Variants in KDM4A observed in about 807,000 individuals in gnomAD.
The protein encoded by KDM4A is lysine demethylase 4A.
Under a neutral mutation model 127.1 loss-of-function variants are expected in KDM4A, and 23 were observed. The ratio of observed to expected loss-of-function variants is 0.18; its 90% CI spans 0.13 to 0.26. The LOEUF is 0.26. KDM4A is among the 10% of genes least tolerant of loss of function. The pLI, the probability that KDM4A is intolerant of heterozygous loss-of-function variation, is 1.00. For synonymous variants in KDM4A, 443 were observed against 466.5 expected, an observed-to-expected ratio of 0.95 and a Z score of 0.65; for missense variants, 890 against 1,329.1, an observed-to-expected ratio of 0.67 and a Z score of 5.14.
In KDM4A at chr1:43,689,896, T is replaced by C. The variant is rs1326988191; in HGVS notation, c.2037+801T>C. ...ATTAGGAACTCACTAAACCTTTCCA[T>C]TGACAAAAAGCAAAACCAAAGCCTT... On this transcript the variant is annotated intron_variant, in intron 13 of 21. Coordinates refer to ENST00000372396, the MANE Select transcript of KDM4A (RefSeq NM_014663.3). 2.6e-5 allele frequency among the ~76,000 whole-genome samples: 4 copies of C among 152,316 alleles called. No individual in the cohort carries two copies. In the East Asian group the frequency reaches 7.7e-4, roughly 29 times the overall value.
At chr1:43,676,080 CAAAA>C (rs1288401071) in intron 11 of KDM4A, among the ~76,000 whole-genome samples, 1 of 93,228 alleles carries the variant, frequency 1.1e-5, no homozygotes. Flanking sequence ...AACTTTACCT[CAAAA>C]AGATAAAAAA....
intron 18 of KDM4A, among the ~76,000 whole-genome samples, chr1:43,697,510 T>C (rs530098234): frequency 6.6e-6 from 1 of 152,326 alleles, no homozygotes; most frequent in South Asian, 2.1e-4. Context: ...TTCGATACTT[T>C]GATGTCAGTT....
intron 11 of KDM4A, 133 bp downstream of exon 11, chr1:43,672,008 T>G (rs1282771296): frequency 2.0e-6 from 2 of 1,008,660 alleles, no homozygotes; most frequent in Admixed American, 3.4e-5. Flanking sequence ...AGACCCTCAG[T>G]CAGTGCCTCT....
chr1:43,696,765 G>C (rs192446530), intron 18 of KDM4A, among the ~76,000 whole-genome samples: 2 of 152,322 alleles, frequency 1.3e-5, no homozygotes, highest in African/African-American at 4.8e-5. Flanking sequence ...TGCTTAAGCT[G>C]GCAGCTGTAG....
Position 43,698,239 on chromosome 1 carries a change from C to T in KDM4A, c.2841+226C>T, listed in dbSNP as rs192415311. 2.1e-3 allele frequency among the ~76,000 whole-genome samples: 319 copies of T among 152,316 alleles called. 3 individuals are homozygous for T. The highest frequency in any genetic ancestry group is 8.5e-3 in the South Asian group (41 of 4,832). ...AGAAGTACCTGGGAATCAGTATTTTCTGCAATTCCTTGAAACCTGCATCTG... is the reference window on the plus strand; with the variant it reads ...AGAAGTACCTGGGAATCAGTATTTTTTGCAATTCCTTGAAACCTGCATCTG... On this transcript the variant is annotated intron_variant, in intron 19 of 21. Coordinates refer to ENST00000372396, the MANE Select transcript of KDM4A (RefSeq NM_014663.3).
At chr1:43,695,983 A>T (rs1661231139) in intron 18 of KDM4A, among the ~76,000 whole-genome samples, 1 of 152,192 alleles carries the variant, frequency 6.6e-6, no homozygotes. Flanking sequence ...GGAGAGAAGG[A>T]GGGATGAGAA....
intron 3 of KDM4A, among the ~76,000 whole-genome samples, chr1:43,659,276 G>A (rs929596523): frequency 8.5e-5 from 13 of 152,172 alleles, no homozygotes; most frequent in African/African-American, 3.1e-4. Flanking sequence ...CTGGGCAGCA[G>A]AGCAAGGATC....
chr1:43,701,281 GA>G (rs1661385680), intron 19 of KDM4A, among the ~76,000 whole-genome samples: 1 of 152,176 alleles, frequency 6.6e-6, no homozygotes, highest in South Asian at 2.1e-4. Flanking sequence ...GGAATTTTGG[GA>G]AGTTTCAAGC....
intron 18 of KDM4A, among the ~76,000 whole-genome samples, chr1:43,697,391 G>C (rs563094321): frequency 7.2e-4 from 110 of 152,352 alleles, no homozygotes; most frequent in African/African-American, 2.5e-3. Context: ...GAGACATCTG[G>C]GAAACCTAAG....
chr1:43,667,495 G>T (rs1660525523), intron 8 of KDM4A, among the ~76,000 whole-genome samples: 1 of 152,146 alleles, frequency 6.6e-6, no homozygotes, highest in Non-Finnish European at 1.5e-5. Context: ...TCACCGTCCT[G>T]GGGGCCTAAG....
At position 43,663,021 on chromosome 1, in the gene KDM4A, C is replaced by T. The variant is rs1431642674; in HGVS notation, c.557C>T (p.Ala186Val). 6.2e-7 allele frequency: 1 copy of T among 1,614,178 alleles called. No individual in the cohort carries two copies. Reference sequence around the variant, plus strand: ...TTTGGCATGTGGAAGACATCCTTTGCTTGGCACACTGAAGACATGGACCTC... The same window carrying T: ...TTTGGCATGTGGAAGACATCCTTTGTTTGGCACACTGAAGACATGGACCTC... ...LYFGMWKTSF[A>V]WHTEDMDLYS... Residue 186 changes from alanine to valine, a missense_variant, in exon 5 of 22, where the codon GCT becomes GTT. Physicochemically the swap from Ala to Val is moderately conservative, Grantham distance 64. Transcript: ENST00000372396.
At chr1:43,656,644 C>T (rs977308931) in intron 3 of KDM4A, among the ~76,000 whole-genome samples, 2 of 151,606 alleles carry the variant, frequency 1.3e-5, no homozygotes, top group Non-Finnish European at 2.9e-5. Flanking sequence ...GGCCCTTCTC[C>T]GCTGTTTTTA....
In KDM4A at chr1:43,697,911, C is replaced by A; in HGVS notation, c.2739C>A (p.Arg913=). Reference sequence around the variant, plus strand: ...TCATTAGCAAGCATAAGAACGGGCGCTTCTACCAGTGTGAAGTGGTCAGGC... The same window carrying A: ...TCATTAGCAAGCATAAGAACGGGCGATTCTACCAGTGTGAAGTGGTCAGGC... The part of the protein sequence containing the change: ...QKVISKHKNG[R]FYQCEVVRLT... Residue 913 remains arginine, a synonymous_variant, in exon 19 of 22, where the codon CGC becomes CGA. Coordinates refer to ENST00000372396, the MANE Select transcript of KDM4A (RefSeq NM_014663.3). The A allele has an allele frequency of 6.2e-7, 1 of 1,613,890 alleles. No individual in the cohort carries two copies. The highest frequency in any genetic ancestry group is 1.1e-5 in the South Asian group (1 of 91,058).
rs368225396 is a variant in KDM4A at position 43,671,404 on chromosome 1, C to T, written c.1364-101C>T. Reference sequence around the variant, plus strand: ...CAGAGCCAGGATTGGAAGCCAGGTCCCATTCCCCGCCCATGTTCCTTGTGC... The same window carrying T: ...CAGAGCCAGGATTGGAAGCCAGGTCTCATTCCCCGCCCATGTTCCTTGTGC... On this transcript the variant is annotated intron_variant, in intron 10 of 21. Coordinates refer to ENST00000372396, the MANE Select transcript of KDM4A (RefSeq NM_014663.3). 21 of 1,303,660 alleles carry T rather than the reference C, an allele frequency of 1.6e-5. No individual in the cohort carries two copies. In the African/African-American group the frequency reaches 1.6e-4, roughly 10 times the overall value. The allele number at this position is 1,303,660 out of a possible 1,614,324, so 80.8% of individuals were successfully genotyped here.
At chr1:43,664,647 G>T (rs1247853051) in intron 5 of KDM4A, among the ~76,000 whole-genome samples, 1 of 152,070 alleles carries the variant, frequency 6.6e-6, no homozygotes, top group East Asian at 1.9e-4. Context: ...AATCTTGGGG[G>T]AAAGAACCTT....
chr1:43,675,022 T>G (rs1383301670), intron 11 of KDM4A, among the ~76,000 whole-genome samples: 2 of 152,220 alleles, frequency 1.3e-5, no homozygotes, highest in Non-Finnish European at 2.9e-5. Flanking sequence ...GGGTCTTCTC[T>G]CTGACATGTC....
chr1:43,695,841 G>A (rs1661228483), intron 18 of KDM4A, among the ~76,000 whole-genome samples: 1 of 152,106 alleles, frequency 6.6e-6, no homozygotes, highest in African/African-American at 2.4e-5. Context: ...AGGAGAGAAG[G>A]GGAGAGGAGG....
chr1:43,690,647 A>G (rs1363325139), intron 13 of KDM4A, 198 bp from the exon 14 acceptor site: 4 of 622,830 alleles, frequency 6.4e-6, no homozygotes, highest in East Asian at 2.7e-5. Context: ...GGGCCTTTGT[A>G]TGATGCTGCT....
chr1:43,668,103 GTTTT>G (rs367999082), intron 9 of KDM4A, 84 bp downstream of exon 9: 32 of 1,516,148 alleles, frequency 2.1e-5, no homozygotes, highest in Admixed American at 1.0e-4. Flanking sequence ...GCTGTTTCTT[GTTTT>G]TTTTGTTTTG....
Sources: allele counts gnomAD v4.1 joint callset (sites outside exome capture counted in the v4.1 genomes callset), GRCh38; gene constraint gnomAD v4.1.1; transcripts MANE v1.5; gene names NCBI Gene and HGNC (gene_info 2026-07-23, HGNC 2026-07-21).